CSMD3: variants seen among roughly 807,000 people sequenced by gnomAD.
CSMD3 encodes the protein CUB and sushi domain-containing protein 3.
CSMD3 carries 177 observed loss-of-function variants against 435.2 expected under a neutral mutation model. The observed-to-expected ratio is 0.41, with a 90% CI of 0.36 to 0.46. The LOEUF is 0.46. Among genes scored for constraint, CSMD3 ranks in the 20% least tolerant of loss-of-function variants. CSMD3 has a pLI of 0.34. For synonymous variants in CSMD3, 1,656 were observed against 1,520.5 expected, an observed-to-expected ratio of 1.09 and a Z score of -2.07; for missense variants, 4,265 against 4,504.6, an observed-to-expected ratio of 0.95 and a Z score of 1.52.
At chr8:112,872,821 G>A (rs16884176) in intron 10 of CSMD3, among the ~76,000 whole-genome samples, 6,141 of 152,026 alleles carry the variant, frequency 0.04, 418 homozygotes, top group African/African-American at 0.14. Flanking sequence ...TAAGAGGTGA[G>A]ATAGAATGAT....
At chr8:113,353,751 T>A (rs1028112487) in intron 1 of CSMD3, among the ~76,000 whole-genome samples, 2 of 152,102 alleles carry the variant, frequency 1.3e-5, no homozygotes, top group Admixed American at 6.6e-5. Context: ...TGAAGAGGAC[T>A]TTTTTCCCCC....
At chr8:113,008,234 A>C (rs2086130071) in intron 6 of CSMD3, among the ~76,000 whole-genome samples, 1 of 151,964 alleles carries the variant, frequency 6.6e-6, no homozygotes, top group South Asian at 2.1e-4. Flanking sequence ...TGGCTTCTAA[A>C]GTTCTGAAAT....
intron 13 of CSMD3, among the ~76,000 whole-genome samples, chr8:112,713,704 A>C (rs1379276618): frequency 6.6e-6 from 1 of 152,226 alleles, no homozygotes; most frequent in Admixed American, 6.5e-5. Context: ...GTGGAAGCCC[A>C]CCAAACTATC....
intron 53 of CSMD3, among the ~76,000 whole-genome samples, chr8:112,298,887 C>T (rs1476827127): frequency 3.9e-5 from 6 of 152,064 alleles, no homozygotes; most frequent in East Asian, 1.9e-4. Context: ...GAAATGAATG[C>T]GTATGTCCAC....
chr8:113,376,663 G>C (rs905097168), intron 1 of CSMD3: 1 of 1,539,268 alleles, frequency 6.5e-7, no homozygotes, highest in African/African-American at 1.4e-5. Context: ...GGCAGGAGGC[G>C]CCATCATGGG....
At chr8:112,666,958 C>T (rs955427307) in intron 16 of CSMD3, among the ~76,000 whole-genome samples, 1 of 152,126 alleles carries the variant, frequency 6.6e-6, no homozygotes, top group African/African-American at 2.4e-5. Context: ...CATACCATTT[C>T]CTAGACATCT....
intron 38 of CSMD3, among the ~76,000 whole-genome samples, chr8:112,378,860 T>C (rs1024949288): frequency 6.6e-6 from 1 of 152,122 alleles, no homozygotes; most frequent in Non-Finnish European, 1.5e-5. Flanking sequence ...ATAATACAAT[T>C]ACCCTGATTT....
chr8:112,786,759 C>CT (rs945909670), intron 13 of CSMD3, among the ~76,000 whole-genome samples: 107 of 152,048 alleles, frequency 7.0e-4, no homozygotes, highest in African/African-American at 2.3e-3. Context: ...TTATTATACT[C>CT]TAAGTTCTGG....
intron 10 of CSMD3, among the ~76,000 whole-genome samples, chr8:112,920,290 A>T (rs2082695872): frequency 6.6e-6 from 1 of 151,882 alleles, no homozygotes; most frequent in African/African-American, 2.4e-5. Context: ...AAAAAAGTTG[A>T]TGTTTGTTCC....
At position 112,556,874 on chromosome 8, in the gene CSMD3, T is replaced by C. The variant is rs1293568615; in HGVS notation, c.4123A>G (p.Ser1375Gly). Residue 1375 changes from serine (S) to glycine (G), a missense_variant, in exon 25 of 71, where the codon AGC (serine) becomes GGC (glycine). Physicochemically the swap from Ser to Gly is moderately conservative, Grantham distance 56. Coordinates refer to ENST00000297405, the MANE Select transcript of CSMD3 (RefSeq NM_198123.2). ...GGATTGCATCCATAAATGATGGTGC[T>C]ACCAGCAAAGTGGCCTTGGTCACTG... ...KISDQGHFAG[S>G]TIIYGCNPGY... The C allele has an allele frequency of 2.5e-6, 4 of 1,611,334 alleles. No individual in the cohort carries two copies. Among genetic ancestry groups the C allele is most frequent in the African/African-American group, 1.3e-5 (1 of 74,922 alleles).
At chr8:112,248,802 C>T (rs1002989262) in intron 63 of CSMD3, among the ~76,000 whole-genome samples, 3 of 152,064 alleles carry the variant, frequency 2.0e-5, no homozygotes, top group East Asian at 1.9e-4. Context: ...TATCTGACAA[C>T]AACCTTTTTT....
At chr8:113,343,847 GGATCAC>G (rs1458157957) in intron 1 of CSMD3, among the ~76,000 whole-genome samples, 2 of 152,074 alleles carry the variant, frequency 1.3e-5, no homozygotes, top group Admixed American at 6.6e-5. Flanking sequence ...TGAGGCGGGT[GGATCAC>G]GAGGTCAGGA....
rs763815954 is a variant in CSMD3 at position 112,289,583 on chromosome 8, A to C, written c.8975-45T>G. The C allele has an allele frequency of 3.2e-6, 4 of 1,266,560 alleles. No homozygotes were observed. The South Asian group carries it at 4.0e-5, about 13-fold the overall frequency. 78.5% of individuals were successfully genotyped at this position (1,266,560 alleles called of 1,614,324 possible). ...AATATAAAATTTTTTTATATCTCCT[A>C]TCGAACAACCTATACCAGCATGTTT... On this transcript the variant is annotated intron_variant, in intron 56 of 70. Coordinates refer to ENST00000297405, the MANE Select transcript of CSMD3 (RefSeq NM_198123.2).
chr8:112,839,260 T>C (rs965863490), intron 11 of CSMD3, among the ~76,000 whole-genome samples: 21 of 151,884 alleles, frequency 1.4e-4, no homozygotes, highest in Non-Finnish European at 2.4e-4. Context: ...GTTTTATTTT[T>C]CTATGCCTTT....
At chr8:112,371,568 T>C (rs1828392845) in intron 38 of CSMD3, among the ~76,000 whole-genome samples, 1 of 152,188 alleles carries the variant, frequency 6.6e-6, no homozygotes, top group South Asian at 2.1e-4. Context: ...TTTTCTCTCT[T>C]ACTACATCTG....
At chr8:112,698,568 A>G (rs968964148) in intron 13 of CSMD3, among the ~76,000 whole-genome samples, 1 of 152,166 alleles carries the variant, frequency 6.6e-6, no homozygotes, top group Non-Finnish European at 1.5e-5. Flanking sequence ...TTGTGCCAAT[A>G]AAAGTAGGGT....
chr8:113,066,140 A>G (rs183636016), intron 5 of CSMD3, among the ~76,000 whole-genome samples: 120 of 151,102 alleles, frequency 7.9e-4, no homozygotes, highest in Non-Finnish European at 1.1e-3. Flanking sequence ...AAAAAAAAAA[A>G]AAAGAAAGAA....
chr8:112,504,103 C>A, intron 29 of CSMD3, 126 bp from the exon 30 acceptor site: 3 of 580,374 alleles, frequency 5.2e-6, no homozygotes, highest in Non-Finnish European at 8.8e-6. Flanking sequence ...AAGACGCTGT[C>A]AAAATAAGCT....
intron 7 of CSMD3, among the ~76,000 whole-genome samples, chr8:112,972,393 T>C (rs1194102828): frequency 6.6e-6 from 1 of 151,940 alleles, no homozygotes; most frequent in Non-Finnish European, 1.5e-5. Context: ...TATTTTTTCA[T>C]AGGATATTTT....
Sources: gnomAD v4.1 joint callset for allele counts (sites outside exome capture counted in the v4.1 genomes callset) on GRCh38, gnomAD v4.1.1 for gene constraint, MANE v1.5 for transcripts, NCBI Gene and HGNC (gene_info 2026-07-23, HGNC 2026-07-21) for gene names.